The following PLXDC2 variants were observed in gnomAD, a reference collection of about 807,000 sequenced individuals.
PLXDC2 encodes plexin domain-containing protein 2.
A neutral mutation model predicts 68.9 loss-of-function variants in PLXDC2; 40 were observed. The ratio of observed to expected loss-of-function variants is 0.58; its 90% CI spans 0.45 to 0.76. The LOEUF is 0.76. Ranked by LOEUF, PLXDC2 falls within the 30% of genes least tolerant of loss-of-function variation. The pLI is 0.00. For missense variants in PLXDC2, 644 were observed against 661.9 expected, an observed-to-expected ratio of 0.97 and a Z score of 0.30; for synonymous variants, 243 against 234.2, an observed-to-expected ratio of 1.04 and a Z score of -0.34.
At chr10:19,932,416 AG>A (rs928007205) in intron 1 of PLXDC2, among the ~76,000 whole-genome samples, 2 of 152,196 alleles carry the variant, frequency 1.3e-5, no homozygotes, top group Non-Finnish European at 2.9e-5. Context: ...TGGAGTTATC[AG>A]GGTGACAAGG....
intron 1 of PLXDC2, among the ~76,000 whole-genome samples, chr10:19,864,178 A>T (rs1164580617): frequency 1.3e-5 from 2 of 151,952 alleles, no homozygotes; most frequent in African/African-American, 2.4e-5. Context: ...TAACTTTTTA[A>T]TTTTTTTGTA....
chr10:19,928,893 T>C (rs1031678716), intron 1 of PLXDC2, among the ~76,000 whole-genome samples: 1 of 151,714 alleles, frequency 6.6e-6, no homozygotes, highest in South Asian at 2.1e-4. Flanking sequence ...TAGCTTGGAT[T>C]ACAGGCGTGT....
In PLXDC2 at chr10:19,966,290, C is replaced by T. The variant is rs1458659868; in HGVS notation, c.113-35485C>T. 8.4e-5 allele frequency among the ~76,000 whole-genome samples: 7 copies of T among 83,708 alleles called. No individual in the cohort carries two copies. The East Asian group carries it at 2.5e-3, about 30-fold the overall frequency. The allele number at this position is 83,708 out of a possible 152,430, so 54.9% of individuals were successfully genotyped here. A position where few individuals can be genotyped will look rare whatever the true frequency, so the allele number is the denominator to read the frequency against. On this transcript the variant is annotated intron_variant, in intron 1 of 13. Transcript: ENST00000377252. ...AAGTACACATATATGTGTATATATACACATATATGTGTATCAGCCATTTTA... is the reference window on the plus strand; with the variant it reads ...AAGTACACATATATGTGTATATATATACATATATGTGTATCAGCCATTTTA...
intron 9 of PLXDC2, among the ~76,000 whole-genome samples, chr10:20,211,064 C>T (rs551804381): frequency 6.6e-6 from 1 of 152,118 alleles, no homozygotes; most frequent in African/African-American, 2.4e-5. Flanking sequence ...GCTCAAGACC[C>T]GAGGTAGACA....
intron 1 of PLXDC2, among the ~76,000 whole-genome samples, chr10:19,964,787 T>C (rs1433425897): frequency 6.6e-6 from 1 of 152,124 alleles, no homozygotes; most frequent in African/African-American, 2.4e-5. Context: ...AGTGCCTGGT[T>C]AATAACAGGC....
Position 20,001,968 on chromosome 10 carries a change from C to A in PLXDC2, c.306C>A (p.Asp102Glu). The change falls in exon 2 of 14, where the codon GAC (aspartate) becomes GAA (glutamate). Residue 102 changes from aspartate to glutamate, a missense_variant. Coordinates refer to ENST00000377252, the MANE Select transcript of PLXDC2 (RefSeq NM_032812.9). ...ACCTGCTGCTGGATGATGGGCAGGACAATAACACTCAGATCGAGGTAGATA... is the reference window on the plus strand; with the variant it reads ...ACCTGCTGCTGGATGATGGGCAGGAAAATAACACTCAGATCGAGGTAGATA... ...FTDLLLDDGQDNNTQIEEDTD... is the reference protein window; with the variant it reads ...FTDLLLDDGQENNTQIEEDTD... 2 of 1,612,262 alleles carry A rather than the reference C, an allele frequency of 1.2e-6. No individual in the cohort carries two copies. Among genetic ancestry groups the A allele is most frequent in the Non-Finnish European group, 1.7e-6 (2 of 1,179,854 alleles).
chr10:20,045,865 A>G (rs1263364327), intron 2 of PLXDC2, among the ~76,000 whole-genome samples: 1 of 152,116 alleles, frequency 6.6e-6, no homozygotes, highest in Non-Finnish European at 1.5e-5. Flanking sequence ...GTTATAAAAC[A>G]TTGCAATCAG....
At chr10:19,966,387 C>CAGATATAAA (rs1834255185) in intron 1 of PLXDC2, among the ~76,000 whole-genome samples, 4 of 146,108 alleles carry the variant, frequency 2.7e-5, no homozygotes, top group African/African-American at 7.6e-5. Flanking sequence ...TATATGTGCA[C>CAGATATAAA]ATATATAAAA....
At chr10:20,013,936 T>A (rs1205637876) in intron 2 of PLXDC2, among the ~76,000 whole-genome samples, 1 of 152,204 alleles carries the variant, frequency 6.6e-6, no homozygotes. Context: ...TAAGGCTTTG[T>A]AAGGAAACAA....
intron 2 of PLXDC2, 95 bp downstream of exon 2, chr10:20,002,081 A>C: frequency 6.4e-6 from 8 of 1,252,386 alleles, no homozygotes; most frequent in African/African-American, 1.5e-5. Flanking sequence ...TCTTCATCTC[A>C]ATCTAGAAAT....
intron 1 of PLXDC2, among the ~76,000 whole-genome samples, chr10:19,824,941 T>TC (rs1359007842): frequency 2.6e-5 from 4 of 152,196 alleles, no homozygotes; most frequent in Non-Finnish European, 4.4e-5. Context: ...GGATTACAGA[T>TC]CTGAACATGG....
intron 6 of PLXDC2, among the ~76,000 whole-genome samples, chr10:20,157,440 G>T (rs890679917): frequency 6.6e-6 from 1 of 152,174 alleles, no homozygotes; most frequent in African/African-American, 2.4e-5. Context: ...GGAAACAAAT[G>T]AATGTTTTGG....
chr10:19,957,680 C>T (rs910229256), intron 1 of PLXDC2, among the ~76,000 whole-genome samples: 1 of 152,110 alleles, frequency 6.6e-6, no homozygotes, highest in Non-Finnish European at 1.5e-5. Flanking sequence ...TGAAGTGACT[C>T]ATGCATTCAT....
rs1175526348 is a variant in PLXDC2 at position 20,238,662 on chromosome 10, A to AAAATATATATATATGTATATATATAT, written c.1313-6682_1313-6681insAATATATATATATGTATATATATATA. 3.0e-3 allele frequency among the ~76,000 whole-genome samples: 96 copies of AAAATATATATATATGTATATATATAT among 31,638 alleles called. 2 individuals carry two copies. The highest frequency in any genetic ancestry group is 7.1e-3 in the East Asian group (14 of 1,974). 20.8% of individuals were successfully genotyped at this position (31,638 alleles called of 152,430 possible). A position where few individuals can be genotyped will look rare whatever the true frequency, so the allele number is the denominator to read the frequency against. ...CAGAGAAAGACTCCATCTCAAAAAA[A>AAAATATATATATATGTATATATATAT]ATATATATATATATGTATATATATA... On this transcript the variant is annotated intron_variant, in intron 12 of 13. Coordinates refer to ENST00000377252, the MANE Select transcript of PLXDC2 (RefSeq NM_032812.9).
intron 1 of PLXDC2, among the ~76,000 whole-genome samples, chr10:19,858,433 C>A (rs1589504181): frequency 6.6e-6 from 1 of 152,280 alleles, no homozygotes; most frequent in East Asian, 1.9e-4. Context: ...GGGAAGAATT[C>A]TTGAAATCAT....
chr10:19,858,486 A>G (rs1837257171), intron 1 of PLXDC2, among the ~76,000 whole-genome samples: 1 of 152,210 alleles, frequency 6.6e-6, no homozygotes, highest in Non-Finnish European at 1.5e-5. Flanking sequence ...ACACCAAATT[A>G]GGCATTCATT....
chr10:20,058,765 C>G lies in PLXDC2; in HGVS notation c.472-9405C>G, dbSNP rs988946721. Among the ~76,000 whole-genome samples, 4 of 152,124 alleles carry G rather than the reference C, an allele frequency of 2.6e-5. No homozygotes were observed. The South Asian group carries it at 8.3e-4, about 31-fold the overall frequency. On this transcript the variant is annotated intron_variant, in intron 3 of 13. Transcript: ENST00000377252. ...AAGGATGTCACAAAAACATCACAAC[C>G]TTCAGGTTTTGCAAGTCATAGTTTT...
intron 4 of PLXDC2, among the ~76,000 whole-genome samples, chr10:20,082,070 A>AAAAAAAAAAAAAAAAAC (rs1554765383): frequency 1.1e-4 from 14 of 121,990 alleles, no homozygotes; most frequent in South Asian, 3.0e-4. Context: ...AAATCAAAAA[A>AAAAAAAAAAAAAAAAAC]AAAAAACAGG....
chr10:20,054,329 C>A lies in PLXDC2; in HGVS notation c.471+7314C>A, dbSNP rs117382282. On this transcript the variant is annotated intron_variant, in intron 3 of 13. Transcript: ENST00000377252. ...AACTGACTTAGCATCTTGTCATTCC[C>A]GGGTAAGTTAATACCTGAGTCTCTC... Among the ~76,000 whole-genome samples the A allele has an allele frequency of 2.7e-3, 409 of 151,946 alleles. 4 individuals carry two copies. Among genetic ancestry groups the A allele is most frequent in the Non-Finnish European group, 2.4e-3 (163 of 67,938 alleles).
Sources: gnomAD v4.1 joint callset for allele counts (sites outside exome capture counted in the v4.1 genomes callset) on GRCh38, gnomAD v4.1.1 for gene constraint, MANE v1.5 for transcripts, NCBI Gene and HGNC (gene_info 2026-07-23, HGNC 2026-07-21) for gene names.